ALG5: variants seen among roughly 807,000 people sequenced by gnomAD.
ALG5 encodes ALG5 dolichyl-phosphate beta-glucosyltransferase.
Under a neutral mutation model 51.8 loss-of-function variants are expected in ALG5, and 26 were observed. The observed-to-expected ratio is 0.50, with a 90% confidence interval of 0.37 to 0.70. The LOEUF (loss-of-function observed/expected upper bound fraction) is 0.70. Among genes scored for constraint, ALG5 ranks in the 30% least tolerant of loss-of-function variants. The pLI is 0.00. For synonymous variants in ALG5, 141 were observed against 136.1 expected, an observed-to-expected ratio of 1.04 and a Z score of -0.25; for missense variants, 311 against 399.3, an observed-to-expected ratio of 0.78 and a Z score of 1.88.
intron 2 of ALG5, 81 bp downstream of exon 2, chr13:36,995,344 A>G (rs1251770225): frequency 7.0e-7 from 1 of 1,433,428 alleles, no homozygotes; most frequent in African/African-American, 1.4e-5. Flanking sequence ...ATGTTTTGGC[A>G]AAGACAGTGA....
intron 4 of ALG5, among the ~76,000 whole-genome samples, chr13:36,992,436 A>G (rs947502582): frequency 7.2e-5 from 11 of 152,232 alleles, no homozygotes; most frequent in African/African-American, 2.7e-4. Context: ...AAGTGAACTA[A>G]TAAGACTTTA....
intron 8 of ALG5, among the ~76,000 whole-genome samples, chr13:36,956,561 A>G (rs1215054147): frequency 1.3e-5 from 2 of 152,218 alleles, no homozygotes; most frequent in Admixed American, 1.3e-4. Flanking sequence ...ACAACAGCCA[A>G]GTTATCCAAT....
intron 6 of ALG5, among the ~76,000 whole-genome samples, chr13:36,978,919 T>TA (rs371750658): frequency 0.89 from 120,699 of 135,292 alleles, 53,840 homozygotes; most frequent in East Asian, 1. Context: ...TGGTCTCAAT[T>TA]AAAAAAAAAA....
intron 7 of ALG5, chr13:36,967,919 G>C (rs2058902587): frequency 3.1e-6 from 2 of 640,880 alleles, no homozygotes; most frequent in Admixed American, 3.3e-5. Context: ...ATTTGAGTGA[G>C]CTTATTTGTT....
At chr13:36,992,195 C>T (rs935264228) in intron 4 of ALG5, among the ~76,000 whole-genome samples, 9 of 151,786 alleles carry the variant, frequency 5.9e-5, no homozygotes, top group Admixed American at 3.9e-4. Flanking sequence ...ACATAGTGCT[C>T]TAATTATTTG....
intron 7 of ALG5, 124 bp from the exon 8 acceptor site, chr13:36,965,850 C>A: frequency 1.3e-6 from 1 of 766,312 alleles, no homozygotes; most frequent in Non-Finnish European, 2.0e-6. Context: ...CATAAGAACA[C>A]CACTGTTCCA....
Position 36,999,311 on chromosome 13 carries a change from G to C in ALG5, c.-11C>G, listed in dbSNP as rs571901428. The C allele has an allele frequency of 1.3e-6, 2 of 1,567,894 alleles. No homozygotes were observed. Among genetic ancestry groups the C allele is most frequent in the African/African-American group, 1.4e-5 (1 of 71,006 alleles). On this transcript the variant is annotated 5_prime_UTR_variant, in exon 1 of 10. Coordinates refer to ENST00000239891, the MANE Select transcript of ALG5 (RefSeq NM_013338.5). ...CAGAAGCGGAGCCATTCTCCATGCCGTGGCAGCCCGCCCAATCCCGCACCT... is the reference window on the plus strand; with the variant it reads ...CAGAAGCGGAGCCATTCTCCATGCCCTGGCAGCCCGCCCAATCCCGCACCT...
intron 6 of ALG5, among the ~76,000 whole-genome samples, chr13:36,983,756 A>C (rs772096074): frequency 6.6e-6 from 1 of 152,160 alleles, no homozygotes; most frequent in Non-Finnish European, 1.5e-5. Context: ...TGATTCACTT[A>C]GAATCTTAAA....
intron 1 of ALG5, among the ~76,000 whole-genome samples, chr13:36,995,847 C>T (rs748344513): frequency 5.9e-5 from 9 of 152,166 alleles, no homozygotes; most frequent in Non-Finnish European, 8.8e-5. Flanking sequence ...TCTTCCCAGT[C>T]ATCATTCGCC....
At chr13:36,989,663 T>A in intron 4 of ALG5, 87 bp from the exon 5 acceptor site, 1 of 991,674 alleles carries the variant, frequency 1.0e-6, no homozygotes, top group Non-Finnish European at 1.5e-6. Context: ...GCTCAAACAC[T>A]GCTATTGCAG....
rs541336467 is a variant in ALG5 at position 36,993,762 on chromosome 13, T to G, written c.286-90A>C. The G allele has an allele frequency of 1.9e-3, 1,866 of 1,003,494 alleles. 22 individuals are homozygous for G. In the African/African-American group the frequency reaches 0.026, roughly 14 times the overall value. 62.2% of individuals were successfully genotyped at this position (1,003,494 alleles called of 1,614,324 possible). ...CACCAGTAATTTAAAAAACAACTGCTTTAGTGTTGATACATATAAATTTGA... is the reference window on the plus strand; with the variant it reads ...CACCAGTAATTTAAAAAACAACTGCGTTAGTGTTGATACATATAAATTTGA... On this transcript the variant is annotated intron_variant, in intron 3 of 9. Coordinates refer to ENST00000239891, the MANE Select transcript of ALG5 (RefSeq NM_013338.5).
At chr13:36,967,959 G>T in intron 7 of ALG5, 1 of 366,566 alleles carries the variant, frequency 2.7e-6, no homozygotes, top group Non-Finnish European at 4.7e-6. Flanking sequence ...GACTGCTCTG[G>T]CTTGGATGTT....
At chr13:36,971,725 T>C (rs1025239633) in intron 7 of ALG5, among the ~76,000 whole-genome samples, 1 of 147,762 alleles carries the variant, frequency 6.8e-6, no homozygotes, top group African/African-American at 2.5e-5. Flanking sequence ...CTTAAAAATA[T>C]ATTAAAAAGA....
chr13:36,952,383 C>A, intron 9 of ALG5, 131 bp downstream of exon 9: 1 of 656,022 alleles, frequency 1.5e-6, no homozygotes, highest in Non-Finnish European at 2.6e-6. Context: ...CTCCTTGGAA[C>A]TGGATCTTTG....
intron 9 of ALG5, among the ~76,000 whole-genome samples, chr13:36,950,736 C>T (rs1271920881): frequency 6.6e-6 from 1 of 152,056 alleles, no homozygotes; most frequent in East Asian, 1.9e-4. Context: ...AGGAGGCACG[C>T]ACCACACCTG....
At chr13:36,955,353 A>G (rs914610268) in intron 8 of ALG5, among the ~76,000 whole-genome samples, 5 of 152,220 alleles carry the variant, frequency 3.3e-5, no homozygotes, top group African/African-American at 1.2e-4. Context: ...ATGAGTGTTA[A>G]AAAGAAACAC....
chr13:36,982,645 C>T (rs1354725940), intron 6 of ALG5, among the ~76,000 whole-genome samples: 1 of 152,204 alleles, frequency 6.6e-6, no homozygotes, highest in African/African-American at 2.4e-5. Flanking sequence ...CTTCTAATTT[C>T]TCTATGCATG....
intron 6 of ALG5, among the ~76,000 whole-genome samples, chr13:36,976,689 G>A (rs1012847533): frequency 1.3e-5 from 2 of 151,838 alleles, no homozygotes; most frequent in South Asian, 2.1e-4. Context: ...CAGAGGTTGC[G>A]GTGAGCCGAG....
At chr13:36,988,779 GGAA>G (rs1390066255) in intron 5 of ALG5, among the ~76,000 whole-genome samples, 7 of 152,204 alleles carry the variant, frequency 4.6e-5, no homozygotes, top group Admixed American at 2.0e-4. Flanking sequence ...GTGTGCATGA[GGAA>G]GAAGGAGTGA....
Sources: allele counts gnomAD v4.1 joint callset (sites outside exome capture counted in the v4.1 genomes callset), GRCh38; gene constraint gnomAD v4.1.1; transcripts MANE v1.5; gene names NCBI Gene and HGNC (gene_info 2026-07-23, HGNC 2026-07-21).